SNCAIP: variants seen among roughly 807,000 people sequenced by gnomAD.
SNCAIP encodes the protein synphilin-1.
SNCAIP carries 43 observed loss-of-function variants against 86.7 expected under a neutral mutation model. The observed-to-expected ratio is 0.50, with a 90% CI of 0.39 to 0.64. The LOEUF (loss-of-function observed/expected upper bound fraction) is 0.64. Among genes scored for constraint, SNCAIP ranks in the 30% least tolerant of loss-of-function variants. SNCAIP has a pLI of 0.00. For missense variants in SNCAIP, 981 were observed against 1,103.1 expected, an observed-to-expected ratio of 0.89 and a Z score of 1.57; for synonymous variants, 417 against 427.2, an observed-to-expected ratio of 0.98 and a Z score of 0.29.
At chr5:122,414,532 A>C (rs1336619023) in intron 3 of SNCAIP, among the ~76,000 whole-genome samples, 2 of 152,098 alleles carry the variant, frequency 1.3e-5, no homozygotes, top group African/African-American at 4.8e-5. Context: ...GCCCAGCCAT[A>C]AATTACTTTT....
At chr5:122,342,833 G>A (rs1053494002) in intron 1 of SNCAIP, among the ~76,000 whole-genome samples, 1 of 152,154 alleles carries the variant, frequency 6.6e-6, no homozygotes, top group Non-Finnish European at 1.5e-5. Context: ...TGGTGACAGT[G>A]GGATAAGAAG....
chr5:122,331,447 A>G (rs1163699214), intron 1 of SNCAIP, among the ~76,000 whole-genome samples: 2 of 152,226 alleles, frequency 1.3e-5, no homozygotes, highest in African/African-American at 2.4e-5. Flanking sequence ...ATGTACAAAT[A>G]TTGTGTCCTT....
chr5:122,313,061 A>G (rs961069752), intron 1 of SNCAIP: 1 of 152,258 alleles, frequency 6.6e-6, no homozygotes, highest in African/African-American at 2.4e-5. Flanking sequence ...GCATTCTTTG[A>G]GGAACACGCT....
intron 2 of SNCAIP, among the ~76,000 whole-genome samples, chr5:122,401,876 A>G (rs1771888903): frequency 6.6e-6 from 1 of 152,224 alleles, no homozygotes; most frequent in East Asian, 1.9e-4. Flanking sequence ...TTGAAGCTAC[A>G]GCGAATACAT....
At chr5:122,384,336 C>T (rs1767637704) in intron 1 of SNCAIP, among the ~76,000 whole-genome samples, 1 of 152,066 alleles carries the variant, frequency 6.6e-6, no homozygotes, top group South Asian at 2.1e-4. Context: ...TACCTTCTGC[C>T]TCCATCACAG....
chr5:122,403,727 C>G (rs554154243), intron 2 of SNCAIP, 66 bp from the exon 3 acceptor site: 287 of 1,277,112 alleles, frequency 2.2e-4, no homozygotes, highest in Middle Eastern at 3.7e-4. Flanking sequence ...GTTTTTCTGG[C>G]CAATCTGAGT....
At chr5:122,463,263 T>A (rs1165008477) in intron 10 of SNCAIP, among the ~76,000 whole-genome samples, 1 of 152,242 alleles carries the variant, frequency 6.6e-6, no homozygotes, top group Non-Finnish European at 1.5e-5. Flanking sequence ...TTTCCATAGC[T>A]GAGTTAAAGA....
chr5:122,443,444 CCA>C (rs1428360793), intron 7 of SNCAIP: 1 of 305,202 alleles, frequency 3.3e-6, no homozygotes, highest in African/African-American at 2.2e-5. Flanking sequence ...TTCTCTCTCT[CCA>C]CAACTAATGA....
intron 5 of SNCAIP, among the ~76,000 whole-genome samples, chr5:122,429,120 C>T (rs184393487): frequency 4.0e-5 from 6 of 151,142 alleles, no homozygotes; most frequent in Admixed American, 1.3e-4. Flanking sequence ...TATAGATGAA[C>T]GAAAATGAAA....
In SNCAIP at chr5:122,423,263, A is replaced by C; in HGVS notation, c.526A>C (p.Arg176=). The change falls in exon 4 of 11, where the codon AGA becomes CGA. Residue 176 remains arginine (R), a synonymous_variant. Transcript: ENST00000261368. ...TTTTACCAAGGTGACTTCAGAAAAA[A>C]GAATTTTGGGCTTATGCACAACCAT... The part of the protein sequence containing the change: ...ASFTKVTSEK[R]ILGLCTTING... 1.9e-6 allele frequency: 3 copies of C among 1,614,212 alleles called. No individual in the cohort carries two copies. Among genetic ancestry groups the C allele is most frequent in the Non-Finnish European group, 8.5e-7 (1 of 1,180,036 alleles).
At chr5:122,428,796 A>G (rs563208235) in intron 5 of SNCAIP, among the ~76,000 whole-genome samples, 14 of 151,678 alleles carry the variant, frequency 9.2e-5, no homozygotes, top group African/African-American at 3.1e-4. Flanking sequence ...CCTGTGTCCA[A>G]GTGTTCTTAT....
At chr5:122,459,498 C>T (rs753614201) in intron 10 of SNCAIP, among the ~76,000 whole-genome samples, 1 of 152,140 alleles carries the variant, frequency 6.6e-6, no homozygotes, top group Non-Finnish European at 1.5e-5. Context: ...CAAACACTTT[C>T]GTTCTTTGAA....
At chr5:122,388,489 T>G (rs1206575968) in intron 1 of SNCAIP, 2 of 152,362 alleles carry the variant, frequency 1.3e-5, no homozygotes, top group Non-Finnish European at 2.9e-5. Context: ...CACCTCATTG[T>G]CCTTATCATG....
chr5:122,433,779 A>G (rs940285638), intron 6 of SNCAIP, among the ~76,000 whole-genome samples: 1 of 152,310 alleles, frequency 6.6e-6, no homozygotes, highest in South Asian at 2.1e-4. Context: ...CCAACTTAAA[A>G]TGGTTCAACT....
chr5:122,316,036 GA>G (rs933306571), intron 1 of SNCAIP, among the ~76,000 whole-genome samples: 13 of 152,126 alleles, frequency 8.5e-5, no homozygotes, highest in Admixed American at 3.3e-4. Flanking sequence ...TGGGGGAGGA[GA>G]AAAATTCAGT....
intron 1 of SNCAIP, chr5:122,389,354 A>G (rs973995172): frequency 1.3e-5 from 2 of 152,178 alleles, no homozygotes; most frequent in Non-Finnish European, 2.9e-5. Context: ...GGCCGTGGGA[A>G]CAGAGTCTGT....
upstream of SNCAIP, chr5:122,312,027 G>T (rs911734122): frequency 2.7e-5 from 4 of 146,902 alleles, no homozygotes; most frequent in African/African-American, 9.8e-5. Flanking sequence ...CCGGCCGGGC[G>T]CCCGCGCTGC....
intron 1 of SNCAIP, among the ~76,000 whole-genome samples, chr5:122,333,973 G>A (rs1755899736): frequency 6.6e-6 from 1 of 152,160 alleles, no homozygotes; most frequent in African/African-American, 2.4e-5. Flanking sequence ...GGGGGAGATG[G>A]AGGCTACAAG....
intron 7 of SNCAIP, chr5:122,443,833 G>A (rs1781668766): frequency 2.7e-6 from 1 of 375,026 alleles, no homozygotes. Flanking sequence ...TGAGTGCCAT[G>A]GTTGGGGTCT....
Sources: gnomAD v4.1 joint callset for allele counts (sites outside exome capture counted in the v4.1 genomes callset) on GRCh38, gnomAD v4.1.1 for gene constraint, MANE v1.5 for transcripts, NCBI Gene and HGNC (gene_info 2026-07-23, HGNC 2026-07-21) for gene names.